Variants in DCHS2 observed in about 807,000 individuals in gnomAD.
The protein encoded by DCHS2 is dachsous cadherin-related 2, also known as protocadherin-23.
In DCHS2, 142 loss-of-function variants were observed where a neutral mutation model predicts 182.4. The observed-to-expected ratio is 0.78, with a 90% CI of 0.68 to 0.89. The LOEUF is 0.89. Among genes scored for constraint, DCHS2 ranks in the 40% least tolerant of loss-of-function variants. The pLI is 0.00. For missense variants in DCHS2, 4,319 were observed against 4,198.6 expected, an observed-to-expected ratio of 1.03 and a Z score of -0.79; for synonymous variants, 1,740 against 1,663.3, an observed-to-expected ratio of 1.05 and a Z score of -1.12.
At chr4:154,370,055 T>C (rs1016904016) in intron 2 of DCHS2, among the ~76,000 whole-genome samples, 2 of 152,184 alleles carry the variant, frequency 1.3e-5, no homozygotes, top group Admixed American at 6.5e-5. Flanking sequence ...TTGTGAGCTG[T>C]GGTTTCATTC....
At chr4:154,386,282 C>T (rs889891219) in intron 1 of DCHS2, among the ~76,000 whole-genome samples, 7 of 152,188 alleles carry the variant, frequency 4.6e-5, no homozygotes, top group Admixed American at 6.5e-5. Context: ...CTTTCACTCC[C>T]CTCTGGACAC....
intron 13 of DCHS2, among the ~76,000 whole-genome samples, chr4:154,275,567 A>G (rs1312731354): frequency 6.6e-6 from 1 of 152,110 alleles, no homozygotes; most frequent in East Asian, 1.9e-4. Flanking sequence ...TGGTAGGAAT[A>G]TGCCTTTACA....
In DCHS2 at chr4:154,327,775, CCTAA is replaced by C. The variant is rs1285596106; in HGVS notation, c.4018+314_4018+317del. Among the ~76,000 whole-genome samples, 6 of 152,246 alleles carry C rather than the reference CCTAA, an allele frequency of 3.9e-5. No homozygotes were observed. The East Asian group carries it at 5.8e-4, about 15-fold the overall frequency. On this transcript the variant is annotated intron_variant, in intron 7 of 19. Transcript: ENST00000357232. ...TCATACTTAATACCAATTCTTATCC[CCTAA>C]CTAACACTTTCCTATCAATAAAAGT... is the stretch of plus-strand genomic sequence containing the variant.
intron 2 of DCHS2, among the ~76,000 whole-genome samples, chr4:154,372,876 A>T (rs1277738412): frequency 6.6e-6 from 1 of 152,202 alleles, no homozygotes; most frequent in Admixed American, 6.5e-5. Flanking sequence ...CTTCACAAGG[A>T]TAAATAGAGC....
At position 154,366,337 on chromosome 4, in the gene DCHS2, CTCA is replaced by C; in HGVS notation, c.2346_2348del (p.Asp782del). On this transcript the variant is annotated inframe_deletion, in exon 3 of 20. Transcript: ENST00000357232. ...TGATGATCTCGGTGCCTGGCTGGGT[CTCA>C]TCACTGATGCTCGTCACATAGGTTG... 6.2e-7 allele frequency: 1 copy of C among 1,613,738 alleles called. No individual in the cohort carries two copies. Among genetic ancestry groups the C allele is most frequent in the Non-Finnish European group, 8.5e-7 (1 of 1,179,866 alleles).
At chr4:154,461,723 T>G (rs886797536) in intron 1 of DCHS2, among the ~76,000 whole-genome samples, 3 of 152,150 alleles carry the variant, frequency 2.0e-5, no homozygotes, top group Non-Finnish European at 2.9e-5. Context: ...GTTGCCTTTT[T>G]TTTCCTTTGT....
At chr4:154,315,318 T>G (rs1374178211) in intron 10 of DCHS2, among the ~76,000 whole-genome samples, 3 of 152,192 alleles carry the variant, frequency 2.0e-5, no homozygotes, top group Non-Finnish European at 4.4e-5. Context: ...ATGGTAGTTT[T>G]GGATTCAAAT....
At chr4:154,458,707 A>G (rs1197261452) in intron 1 of DCHS2, among the ~76,000 whole-genome samples, 1 of 152,222 alleles carries the variant, frequency 6.6e-6, no homozygotes, top group Non-Finnish European at 1.5e-5. Context: ...ATATGTGCAG[A>G]TATATGCTGA....
At chr4:154,260,978 T>G (rs1458286066) in intron 14 of DCHS2, among the ~76,000 whole-genome samples, 1 of 152,158 alleles carries the variant, frequency 6.6e-6, no homozygotes, top group Non-Finnish European at 1.5e-5. Context: ...AATTTCCTTG[T>G]CTAGATTTTA....
intron 3 of DCHS2, among the ~76,000 whole-genome samples, chr4:154,350,493 G>A (rs938530480): frequency 2.0e-5 from 3 of 152,098 alleles, no homozygotes; most frequent in African/African-American, 7.2e-5. Flanking sequence ...TTTGAGTCAT[G>A]TGCACACACT....
At chr4:154,352,736 A>C (rs867278111) in intron 3 of DCHS2, among the ~76,000 whole-genome samples, 7 of 152,212 alleles carry the variant, frequency 4.6e-5, no homozygotes, top group Admixed American at 2.0e-4. Context: ...GAAGGCAAAA[A>C]GTTTAAGTGA....
intron 14 of DCHS2, among the ~76,000 whole-genome samples, chr4:154,267,411 A>C (rs1036719871): frequency 1.3e-5 from 2 of 152,080 alleles, no homozygotes; most frequent in African/African-American, 4.8e-5. Context: ...TTTGAATTCC[A>C]ACCTTTCCTC....
At chr4:154,395,484 G>C (rs1731890786) in intron 1 of DCHS2, among the ~76,000 whole-genome samples, 1 of 152,070 alleles carries the variant, frequency 6.6e-6, no homozygotes. Context: ...CCTATCTCCT[G>C]GATTGCTCCG....
chr4:154,321,029 G>T lies in DCHS2; in HGVS notation c.4370C>A (p.Ser1457Ter). ...CTTAGAAAGAAACAAGTCTCCGGTT[G>T]AGCTGTCTATTTCAAAGTGTCCATC... ...DKDGHFEIDS[S>*]TGDLFLSKEL... The change falls in exon 9 of 20, where the codon TCA (serine) becomes TAA (stop). Residue 1457 changes from serine (S) to a stop codon, truncating the protein, a stop_gained. Transcript: ENST00000357232. LOFTEE classifies it high-confidence loss of function. The T allele has an allele frequency of 6.2e-7, 1 of 1,613,734 alleles. No homozygotes were observed. Among genetic ancestry groups the T allele is most frequent in the South Asian group, 1.1e-5 (1 of 90,992 alleles).
intron 1 of DCHS2, among the ~76,000 whole-genome samples, chr4:154,402,991 T>C (rs975943095): frequency 1.3e-5 from 2 of 152,226 alleles, no homozygotes; most frequent in African/African-American, 4.8e-5. Flanking sequence ...TGCTAACATA[T>C]AGAAAAACAA....
chr4:154,273,467 G>A (rs1733691683), intron 13 of DCHS2, among the ~76,000 whole-genome samples: 1 of 152,054 alleles, frequency 6.6e-6, no homozygotes, highest in African/African-American at 2.4e-5. Flanking sequence ...AAAAGGTGGG[G>A]AAGTGAAGGA....
At chr4:154,422,348 A>G (rs1344293637) in intron 1 of DCHS2, among the ~76,000 whole-genome samples, 1 of 152,196 alleles carries the variant, frequency 6.6e-6, no homozygotes, top group Non-Finnish European at 1.5e-5. Context: ...CTCAAACTCA[A>G]TATGAACTCA....
At chr4:154,362,941 G>A (rs1232504775) in intron 3 of DCHS2, among the ~76,000 whole-genome samples, 1 of 152,096 alleles carries the variant, frequency 6.6e-6, no homozygotes, top group Non-Finnish European at 1.5e-5. Context: ...TTATGTTATG[G>A]GTAAGACTTC....
At chr4:154,403,001 A>G (rs1214483956) in intron 1 of DCHS2, among the ~76,000 whole-genome samples, 2 of 152,246 alleles carry the variant, frequency 1.3e-5, no homozygotes, top group Admixed American at 1.3e-4. Context: ...TAGAAAAACA[A>G]TTGCTTGTGG....
Sources: allele counts gnomAD v4.1 joint callset (sites outside exome capture counted in the v4.1 genomes callset), GRCh38; gene constraint gnomAD v4.1.1; transcripts MANE v1.5; gene names NCBI Gene and HGNC (gene_info 2026-07-23, HGNC 2026-07-21).